The following ARFGEF1 variants were observed in gnomAD, a reference collection of about 807,000 sequenced individuals.
ARFGEF1 encodes ARF guanine nucleotide exchange factor 1.
In ARFGEF1, 42 loss-of-function variants were observed where a neutral mutation model predicts 231.0. The observed-to-expected ratio is 0.18, with a 90% CI of 0.14 to 0.24. The LOEUF (loss-of-function observed/expected upper bound fraction) is 0.24, where lower values mean the gene tolerates loss of function less well. Among genes scored for constraint, ARFGEF1 ranks in the 10% least tolerant of loss-of-function variants. ARFGEF1 has a pLI of 1.00. For synonymous variants in ARFGEF1, 710 were observed against 732.3 expected, an observed-to-expected ratio of 0.97 and a Z score of 0.49; for missense variants, 1,345 against 2,192.0, an observed-to-expected ratio of 0.61 and a Z score of 7.72.
At chr8:67,317,898 C>CAAA (rs951058819) in intron 1 of ARFGEF1, among the ~76,000 whole-genome samples, 4 of 54,864 alleles carry the variant, frequency 7.3e-5, no homozygotes, top group African/African-American at 2.0e-4. Context: ...GACTCTGTCT[C>CAAA]AAAAAAAAAA....
chr8:67,210,269 G>A (rs988395101), intron 34 of ARFGEF1, among the ~76,000 whole-genome samples: 4 of 151,714 alleles, frequency 2.6e-5, no homozygotes, highest in African/African-American at 9.7e-5. Context: ...CCTGAGCTCA[G>A]GAGTTCAAGA....
chr8:67,296,934 G>A (rs892180569), intron 4 of ARFGEF1, among the ~76,000 whole-genome samples: 1 of 152,152 alleles, frequency 6.6e-6, no homozygotes, highest in Non-Finnish European at 1.5e-5. Context: ...TTACAGGCAT[G>A]AGCCACCACA....
downstream of ARFGEF1, chr8:67,193,495 GTCTC>G (rs1206214608): frequency 1.1e-5 from 18 of 1,613,254 alleles, no homozygotes; most frequent in Non-Finnish European, 1.4e-5. Context: ...GCACCAGATG[GTCTC>G]TCTCTAAAAT....
chr8:67,204,180 T>C (rs527426198), intron 35 of ARFGEF1, among the ~76,000 whole-genome samples: 2 of 152,194 alleles, frequency 1.3e-5, no homozygotes, highest in East Asian at 3.9e-4. Context: ...GTCCACATTC[T>C]CTCTTCTCTC....
chr8:67,240,381 A>C (rs1839893461), intron 19 of ARFGEF1, 91 bp from the exon 20 acceptor site: 1 of 1,228,062 alleles, frequency 8.1e-7, no homozygotes, highest in Non-Finnish European at 1.1e-6. Flanking sequence ...TTCTGAAAAA[A>C]AGAAATGAAA....
chr8:67,280,915 C>T (rs1420312794), intron 7 of ARFGEF1, among the ~76,000 whole-genome samples: 1 of 151,930 alleles, frequency 6.6e-6, no homozygotes, highest in Non-Finnish European at 1.5e-5. Flanking sequence ...CAAAAGACAG[C>T]AATCTGAGCA....
chr8:67,179,952 T>C, intron 5 of ARFGEF1: 2 of 1,313,202 alleles, frequency 1.5e-6, no homozygotes, highest in Non-Finnish European at 2.2e-6. Context: ...TTATTAAGGC[T>C]ATATTGTTTA....
chr8:67,308,177 G>A (rs1330336439), intron 1 of ARFGEF1, among the ~76,000 whole-genome samples: 2 of 152,184 alleles, frequency 1.3e-5, no homozygotes, highest in Admixed American at 6.5e-5. Flanking sequence ...CCCAGCTGAG[G>A]CCCCAGACAC....
At position 67,226,033 on chromosome 8, in the gene ARFGEF1, T is replaced by C. The variant is rs199775958; in HGVS notation, c.4067A>G (p.Asp1356Gly). The change falls in exon 28 of 39, where the codon GAT becomes GGT. Residue 1356 changes from aspartate to glycine, a missense_variant. By Grantham distance (94) the Asp-to-Gly change is moderately conservative (BLOSUM62 -1). Around this residue, in one of 14 missense-constraint regions of ARFGEF1, gnomAD observed 142 missense variants for 227.3 expected, o/e 0.62. Coordinates refer to ENST00000262215, the MANE Select transcript of ARFGEF1 (RefSeq NM_006421.5). Reference protein sequence around the residue: ...LIRHCAKYVSDRPQAFKEYTS... With the variant: ...LIRHCAKYVSGRPQAFKEYTS... ...TAAATGACGCTATACCTGAGGTCTATCAGACACATATTTTGCACAATGGCG... is the reference window on the plus strand; with the variant it reads ...TAAATGACGCTATACCTGAGGTCTACCAGACACATATTTTGCACAATGGCG... The C allele has an allele frequency of 1.7e-4, 266 of 1,607,088 alleles. No individual in the cohort carries two copies. The highest frequency in any genetic ancestry group is 2.1e-4 in the Non-Finnish European group (247 of 1,177,092).
chr8:67,232,085 CA>C (rs1839572949), intron 23 of ARFGEF1, among the ~76,000 whole-genome samples: 1 of 151,836 alleles, frequency 6.6e-6, no homozygotes, highest in African/African-American at 2.4e-5. Flanking sequence ...GTACTTAGAG[CA>C]AAAAGTTTTA....
intron 23 of ARFGEF1, among the ~76,000 whole-genome samples, chr8:67,230,474 T>C (rs1376091505): frequency 6.6e-6 from 1 of 152,114 alleles, no homozygotes. Context: ...GCAGCCTATA[T>C]TATTATACCT....
chr8:67,194,377 T>TATC (rs1554628144), downstream of ARFGEF1, among the ~76,000 whole-genome samples: 1 of 152,236 alleles, frequency 6.6e-6, no homozygotes, highest in Non-Finnish European at 1.5e-5. Context: ...ACTCATATAC[T>TATC]ATCTATCTAG....
intron 1 of ARFGEF1, among the ~76,000 whole-genome samples, chr8:67,324,915 CTTT>C (rs71249434): frequency 7.0e-6 from 1 of 143,606 alleles, no homozygotes; most frequent in Non-Finnish European, 1.5e-5. Context: ...AAAAAATCCA[CTTT>C]TTTTTTTTTT....
chr8:67,267,253 T>C (rs1428915151), intron 11 of ARFGEF1, 23 bp from the exon 12 acceptor site: 2 of 1,608,404 alleles, frequency 1.2e-6, no homozygotes, highest in African/African-American at 1.3e-5. Flanking sequence ...AACATTAATT[T>C]CAACAAAGTA....
intron 10 of ARFGEF1, among the ~76,000 whole-genome samples, chr8:67,270,066 A>G (rs958586492): frequency 6.6e-6 from 1 of 152,358 alleles, no homozygotes; most frequent in Non-Finnish European, 1.5e-5. Flanking sequence ...ATCAGATGAA[A>G]GACTTCTGGT....
chr8:67,224,115 C>T (rs73256700), intron 29 of ARFGEF1, among the ~76,000 whole-genome samples: 3 of 151,988 alleles, frequency 2.0e-5, no homozygotes, highest in African/African-American at 7.2e-5. Context: ...TCTGTGCTAC[C>T]TTTAGAAATT....
downstream of ARFGEF1, among the ~76,000 whole-genome samples, chr8:67,195,188 G>T (rs950760349): frequency 6.6e-6 from 1 of 152,092 alleles, no homozygotes; most frequent in Non-Finnish European, 1.5e-5. Context: ...ATTGGCCTTT[G>T]TGGGCCCACT....
intron 32 of ARFGEF1, among the ~76,000 whole-genome samples, chr8:67,217,437 G>A (rs1369346108): frequency 6.6e-6 from 1 of 151,510 alleles, no homozygotes; most frequent in Non-Finnish European, 1.5e-5. Context: ...TAAAAGATCA[G>A]TAACAGAAAC....
chr8:67,311,111 G>C (rs1354034176), intron 1 of ARFGEF1, among the ~76,000 whole-genome samples: 1 of 146,266 alleles, frequency 6.8e-6, no homozygotes, highest in Admixed American at 6.7e-5. Context: ...GGAGGGAGGT[G>C]GGGGGGTCAG....
Sources: gnomAD v4.1 joint callset for allele counts (sites outside exome capture counted in the v4.1 genomes callset) on GRCh38, gnomAD v4.1.1 for gene constraint, gnomAD v4.1.1 regional missense constraint, MANE v1.5 for transcripts, NCBI Gene and HGNC (gene_info 2026-07-23, HGNC 2026-07-21) for gene names.